Variants in CEP76 observed in about 807,000 individuals in gnomAD.
CEP76 encodes the protein centrosomal protein of 76 kDa.
A neutral mutation model predicts 83.3 loss-of-function variants in CEP76; 55 were observed. The observed-to-expected ratio is 0.66, with a 90% CI of 0.53 to 0.83. CEP76 has a LOEUF of 0.83. Ranked by LOEUF, CEP76 falls within the 40% of genes least tolerant of loss-of-function variation. The pLI is 0.00. For synonymous variants in CEP76, 270 were observed against 274.5 expected (o/e 0.98, Z 0.16); for missense variants, 694 against 799.5 (o/e 0.87, Z 1.59).
At chr18:12,669,023 C>G (rs912971810), downstream of CEP76, among the ~76,000 whole-genome samples, 74 of 145,504 alleles carry the variant, frequency 5.1e-4, no homozygotes, top group African/African-American at 1.8e-3. Flanking sequence ...AGCTACCGCA[C>G]CCCCCGCACT....
At chr18:12,685,133 T>A (rs2039496369) in intron 8 of CEP76, 1 of 152,106 alleles carries the variant, frequency 6.6e-6, no homozygotes, top group African/African-American at 2.4e-5. Flanking sequence ...CCTCAGTAGC[T>A]AAGATTACAG....
At position 12,678,619 on chromosome 18, in the gene CEP76, G is replaced by A. The variant is rs958356818; in HGVS notation, c.1290-177C>T. 4.0e-5 allele frequency among the ~76,000 whole-genome samples: 6 copies of A among 151,804 alleles called. No homozygotes were observed. The East Asian group carries it at 5.8e-4, about 15-fold the overall frequency. On this transcript the variant is annotated intron_variant, in intron 9 of 11. Transcript: ENST00000262127. ...TTACTCTGTATTAATTGTATGGTAC[G>A]TCTTTACAATATTGAAACCAACTCT...
At chr18:12,671,587 CTTTT>C (rs975871671), downstream of CEP76, among the ~76,000 whole-genome samples, 6 of 142,494 alleles carry the variant, frequency 4.2e-5, no homozygotes, top group Non-Finnish European at 8.9e-5. Flanking sequence ...TCACTTAACA[CTTTT>C]TTTAATATAT....
chr18:12,686,501 T>A (rs753869221), intron 7 of CEP76, 51 bp from the exon 8 acceptor site: 7 of 1,335,620 alleles, frequency 5.2e-6, no homozygotes, highest in Non-Finnish European at 7.3e-6. Context: ...CATCCCCAAT[T>A]ATGTTTTTTT....
At chr18:12,676,550 C>T (rs1012209241) in intron 10 of CEP76, among the ~76,000 whole-genome samples, 1 of 152,084 alleles carries the variant, frequency 6.6e-6, no homozygotes, top group Non-Finnish European at 1.5e-5. Flanking sequence ...GCTGGGATTA[C>T]AGGCGTGAGA....
At position 12,677,763 on chromosome 18, in the gene CEP76, C is replaced by T. The variant is rs541242157; in HGVS notation, c.1623+346G>A. Among the ~76,000 whole-genome samples the T allele has an allele frequency of 7.2e-5, 11 of 152,214 alleles. No individual in the cohort carries two copies. In the South Asian group the frequency reaches 2.3e-3, roughly 32 times the overall value. On this transcript the variant is annotated intron_variant, in intron 10 of 11. Transcript: ENST00000262127. ...CATGAGCCATCAAGCCCAGCCTAAC[C>T]CAGGATTTTTTAAGGGGCAAATATG...
intron 9 of CEP76, chr18:12,679,292 T>C (rs2039261496): frequency 6.6e-6 from 1 of 150,834 alleles, no homozygotes; most frequent in African/African-American, 2.4e-5. Context: ...CTGGGAGGAG[T>C]GCACACTGGG....
At chr18:12,677,235 T>C (rs1367308707) in intron 10 of CEP76, among the ~76,000 whole-genome samples, 2 of 152,018 alleles carry the variant, frequency 1.3e-5, no homozygotes, top group Non-Finnish European at 2.9e-5. Flanking sequence ...GGTAGATCAC[T>C]TCGAGATCAG....
Position 12,701,131 on chromosome 18 carries a change from A to C in CEP76, c.64-18T>G, listed in dbSNP as rs1197150887. On this transcript the variant is annotated intron_variant, in intron 1 of 11. Coordinates refer to ENST00000262127, the MANE Select transcript of CEP76 (RefSeq NM_024899.4). ...ACATCCATCTATGTAGAAAACTCAT[A>C]TTACAATTTATAACATCACAAAGCA... 2 of 1,593,930 alleles carry C rather than the reference A, an allele frequency of 1.3e-6. No homozygotes were observed. Among genetic ancestry groups the C allele is most frequent in the Non-Finnish European group, 1.7e-6 (2 of 1,168,924 alleles).
intron 12 of CEP76, among the ~76,000 whole-genome samples, chr18:12,665,649 CT>C (rs2038786824): frequency 6.6e-6 from 1 of 152,162 alleles, no homozygotes; most frequent in African/African-American, 2.4e-5. Context: ...CATCCCAGAG[CT>C]TAACCTAAAT....
chr18:12,686,440 C>G lies in CEP76; in HGVS notation c.944G>C (p.Gly315Ala). ...ATAGGAACAGACTGGTCTATTTATCCCATTTTCATCCTAGGGAAAAGGGGA... is the reference window on the plus strand; with the variant it reads ...ATAGGAACAGACTGGTCTATTTATCGCATTTTCATCCTAGGGAAAAGGGGA... The part of the protein sequence containing the change: ...LVKIFAQDEN[G>A]INRPVCSYVK... Residue 315 changes from glycine to alanine, a missense_variant, in exon 8 of 12, where the codon GGG becomes GCG. Coordinates refer to ENST00000262127, the MANE Select transcript of CEP76 (RefSeq NM_024899.4). 6.2e-7 allele frequency: 1 copy of G among 1,606,090 alleles called. No individual in the cohort carries two copies. The highest frequency in any genetic ancestry group is 8.5e-7 in the Non-Finnish European group (1 of 1,176,884).
intron 9 of CEP76, chr18:12,679,125 C>T (rs983124930): frequency 1.2e-4 from 18 of 151,490 alleles, no homozygotes; most frequent in Admixed American, 7.2e-4. Flanking sequence ...CATTTAAAGA[C>T]AAGATGAAGG....
downstream of CEP76, among the ~76,000 whole-genome samples, chr18:12,669,981 G>A (rs1312393754): frequency 2.2e-4 from 25 of 113,662 alleles, no homozygotes; most frequent in African/African-American, 6.1e-4. Context: ...TGGGCAACAA[G>A]AGCCAAACTG....
intron 5 of CEP76, among the ~76,000 whole-genome samples, chr18:12,695,583 CTTCT>C (rs34020909): frequency 0.014 from 2,198 of 152,008 alleles, 14 homozygotes; most frequent in Non-Finnish European, 0.023. Flanking sequence ...CACTCTTTTT[CTTCT>C]TTAAGTAGAG....
At chr18:12,668,976 G>T (rs1385963613), downstream of CEP76, among the ~76,000 whole-genome samples, 3 of 147,276 alleles carry the variant, frequency 2.0e-5, no homozygotes, top group Non-Finnish European at 4.5e-5. Context: ...CCTGATCCAG[G>T]TGATCTGCCT....
chr18:12,693,698 G>A (rs898598210), intron 6 of CEP76, among the ~76,000 whole-genome samples: 2 of 152,078 alleles, frequency 1.3e-5, no homozygotes, highest in African/African-American at 2.4e-5. Flanking sequence ...CAGGAGAATT[G>A]CTTGAACTCG....
intron 8 of CEP76, among the ~76,000 whole-genome samples, chr18:12,684,059 C>T (rs1462370682): frequency 2.0e-5 from 3 of 151,164 alleles, no homozygotes; most frequent in Non-Finnish European, 4.4e-5. Context: ...GAGTCTTGCT[C>T]TGTCGTCCAG....
chr18:12,666,908 C>T (rs1187203015), intron 12 of CEP76, among the ~76,000 whole-genome samples: 1 of 151,594 alleles, frequency 6.6e-6, no homozygotes, highest in East Asian at 1.9e-4. Flanking sequence ...AATATATTGA[C>T]AAAAAAAGTA....
At position 12,699,154 on chromosome 18, in the gene CEP76, T is replaced by A; in HGVS notation, c.345A>T (p.Gly115=). ...CTTGCAGATGTTCCAAGAAAGCTTT[T>A]CCACCCAAAACCTGAAGGTAAAGAT... The part of the protein sequence containing the change: ...RRYLYLQVLG[G]KAFLEHLQEP... Residue 115 remains glycine, a synonymous_variant, in exon 4 of 12, where the codon GGA becomes GGT. Coordinates refer to ENST00000262127, the MANE Select transcript of CEP76 (RefSeq NM_024899.4). 6.2e-7 allele frequency: 1 copy of A among 1,614,118 alleles called. No individual in the cohort carries two copies. Among genetic ancestry groups the A allele is most frequent in the Non-Finnish European group, 8.5e-7 (1 of 1,179,988 alleles).
Sources: gnomAD v4.1 joint callset for allele counts (sites outside exome capture counted in the v4.1 genomes callset) on GRCh38, gnomAD v4.1.1 for gene constraint, MANE v1.5 for transcripts, NCBI Gene and HGNC (gene_info 2026-07-23, HGNC 2026-07-21) for gene names.